The following EPHB1 variants were observed in gnomAD, a reference collection of about 807,000 sequenced individuals.
EPHB1 encodes ephrin type-B receptor 1.
In EPHB1, 30 loss-of-function variants were observed where a neutral mutation model predicts 94.4. The observed-to-expected ratio is 0.32, with a 90% CI of 0.24 to 0.43. EPHB1 has a LOEUF of 0.43. Ranked by LOEUF, EPHB1 falls within the 20% of genes least tolerant of loss-of-function variation. The pLI, the probability that EPHB1 is intolerant of heterozygous loss-of-function variation, is 1.00. For synonymous variants in EPHB1, 522 were observed against 489.1 expected (o/e 1.07, Z -0.89); for missense variants, 1,055 against 1,308.3 (o/e 0.81, Z 2.99).
At chr3:134,799,780 C>G (rs1040184027) in intron 1 of EPHB1, among the ~76,000 whole-genome samples, 1 of 152,068 alleles carries the variant, frequency 6.6e-6, no homozygotes, top group Admixed American at 6.5e-5. Context: ...GAATGGGTAC[C>G]GATGACCAAG....
At chr3:135,249,206 C>G (rs1035535477) in intron 14 of EPHB1, 130 bp from the exon 15 acceptor site, 1 of 1,092,398 alleles carries the variant, frequency 9.2e-7, no homozygotes, top group Non-Finnish European at 1.3e-6. Flanking sequence ...AAGGTTCAGC[C>G]CAGGGCTCCA....
intron 3 of EPHB1, among the ~76,000 whole-genome samples, chr3:135,053,664 G>A (rs1937260167): frequency 6.6e-6 from 1 of 152,172 alleles, no homozygotes; most frequent in African/African-American, 2.4e-5. Context: ...ATAGTGGCAA[G>A]TGAAGAGATG....
At chr3:134,975,612 A>T (rs924968997) in intron 3 of EPHB1, among the ~76,000 whole-genome samples, 1 of 152,198 alleles carries the variant, frequency 6.6e-6, no homozygotes, top group African/African-American at 2.4e-5. Flanking sequence ...GGCTTTGCTT[A>T]CATGATCTCA....
chr3:135,132,817 C>G lies in EPHB1; in HGVS notation c.1065C>G (p.Thr355=), dbSNP rs372552203. 6.2e-7 allele frequency: 1 copy of G among 1,614,008 alleles called. No homozygotes were observed. The highest frequency in any genetic ancestry group is 8.5e-7 in the Non-Finnish European group (1 of 1,179,892). The stretch of plus-strand genomic sequence containing the variant: ...AGACAGGTGGGCGGGATGATGTGAC[C>G]TACAACATCATCTGCAAAAAGTGCC... ...PRETGGRDDV[T]YNIICKKCRA... Residue 355 remains threonine, a synonymous_variant, in exon 5 of 16, where the codon ACC becomes ACG. Coordinates refer to ENST00000398015, the MANE Select transcript of EPHB1 (RefSeq NM_004441.5).
At chr3:134,954,948 G>A (rs1281957557) in intron 3 of EPHB1, among the ~76,000 whole-genome samples, 2 of 152,088 alleles carry the variant, frequency 1.3e-5, no homozygotes, top group African/African-American at 4.8e-5. Flanking sequence ...GTGGTGAGAA[G>A]AGAACAGGTG....
chr3:134,965,950 G>C (rs1407025296), intron 3 of EPHB1, among the ~76,000 whole-genome samples: 1 of 152,158 alleles, frequency 6.6e-6, no homozygotes, highest in East Asian at 1.9e-4. Flanking sequence ...CAGTGGCCAG[G>C]CCTCTTCAGA....
At chr3:135,208,388 G>T (rs1042081830) in intron 12 of EPHB1, among the ~76,000 whole-genome samples, 2 of 151,062 alleles carry the variant, frequency 1.3e-5, no homozygotes, top group Non-Finnish European at 3.0e-5. Flanking sequence ...TGATGGATTT[G>T]AATTTTAGAA....
chr3:135,055,963 A>C (rs762180238), intron 3 of EPHB1, among the ~76,000 whole-genome samples: 4 of 151,990 alleles, frequency 2.6e-5, no homozygotes, highest in African/African-American at 9.7e-5. Flanking sequence ...GCTCTCTTCC[A>C]CCTGGGGGCT....
intron 1 of EPHB1, among the ~76,000 whole-genome samples, chr3:134,906,994 G>A (rs527492939): frequency 6.6e-6 from 1 of 152,302 alleles, no homozygotes; most frequent in East Asian, 1.9e-4. Context: ...AAACTCTAAT[G>A]GCTAGACAAG....
intron 1 of EPHB1, among the ~76,000 whole-genome samples, chr3:134,836,540 A>C (rs1234232056): frequency 6.6e-6 from 1 of 152,196 alleles, no homozygotes; most frequent in East Asian, 1.9e-4. Context: ...AGTTTTAAAA[A>C]CTACACTTCA....
chr3:134,978,104 T>A (rs1934258587), intron 3 of EPHB1: 1 of 414,874 alleles, frequency 2.4e-6, no homozygotes, highest in Non-Finnish European at 4.7e-6. Flanking sequence ...GCCTCAAAAA[T>A]GGAAGATCCA....
intron 3 of EPHB1, among the ~76,000 whole-genome samples, chr3:135,006,821 GT>G (rs11334891): frequency 0.29 from 43,824 of 149,928 alleles, 7,140 homozygotes; most frequent in African/African-American, 0.43. Flanking sequence ...ATGATGCCAA[GT>G]TTTTTTTTTT....
intron 11 of EPHB1, among the ~76,000 whole-genome samples, chr3:135,193,717 G>T (rs1416741440): frequency 6.6e-6 from 1 of 152,174 alleles, no homozygotes; most frequent in Non-Finnish European, 1.5e-5. Flanking sequence ...CAGATTAAAG[G>T]GTCAGTCATT....
intron 3 of EPHB1, among the ~76,000 whole-genome samples, chr3:134,982,468 A>G (rs1347936132): frequency 3.3e-5 from 5 of 152,136 alleles, no homozygotes; most frequent in African/African-American, 9.7e-5. Context: ...AAGGCAGGCA[A>G]ATGCTTGTAT....
chr3:134,859,578 C>G (rs1340142466), intron 1 of EPHB1, among the ~76,000 whole-genome samples: 2 of 152,164 alleles, frequency 1.3e-5, no homozygotes, highest in East Asian at 1.9e-4. Flanking sequence ...TCTGCTGGAA[C>G]CTACAGTGGC....
intron 3 of EPHB1, among the ~76,000 whole-genome samples, chr3:135,080,624 G>A (rs1265927675): frequency 1.3e-5 from 2 of 152,052 alleles, no homozygotes; most frequent in East Asian, 1.9e-4. Context: ...GTGGCAGTGG[G>A]ACAATTTGAC....
intron 3 of EPHB1, among the ~76,000 whole-genome samples, chr3:134,997,982 T>C (rs1177572414): frequency 2.0e-5 from 3 of 152,216 alleles, no homozygotes; most frequent in African/African-American, 7.2e-5. Flanking sequence ...ATTTCTGCTC[T>C]CTTTCAGGGT....
chr3:134,820,219 A>G (rs1169832981), intron 1 of EPHB1, among the ~76,000 whole-genome samples: 3 of 152,156 alleles, frequency 2.0e-5, no homozygotes, highest in Non-Finnish European at 4.4e-5. Flanking sequence ...GACTACTCTC[A>G]TGGTCCCATC....
chr3:134,955,126 C>CTTTTTTTT (rs1933215058), intron 3 of EPHB1, among the ~76,000 whole-genome samples: 2 of 30,430 alleles, frequency 6.6e-5, no homozygotes, highest in African/African-American at 1.5e-4. Flanking sequence ...TTTAATTATA[C>CTTTTTTTT]TCTAAGTTTT....
Sources: gnomAD v4.1 joint callset for allele counts (sites outside exome capture counted in the v4.1 genomes callset) on GRCh38, gnomAD v4.1.1 for gene constraint, MANE v1.5 for transcripts, NCBI Gene and HGNC (gene_info 2026-07-23, HGNC 2026-07-21) for gene names.